Variants in KY observed in about 807,000 individuals in gnomAD.
The protein encoded by KY is kyphoscoliosis peptidase.
A neutral mutation model predicts 76.1 loss-of-function variants in KY; 43 were observed. That is an observed-to-expected ratio of 0.57 (90% CI 0.44 to 0.73). The LOEUF is 0.73. Among genes scored for constraint, KY ranks in the 30% least tolerant of loss-of-function variants. The pLI is 0.00. For synonymous variants in KY, 277 were observed against 326.2 expected (o/e 0.85, Z 1.63); for missense variants, 722 against 828.9 (o/e 0.87, Z 1.58).
chr3:134,629,135 A>G (rs1207818727), intron 4 of KY, among the ~76,000 whole-genome samples: 2 of 152,210 alleles, frequency 1.3e-5, no homozygotes, highest in Non-Finnish European at 2.9e-5. Flanking sequence ...TATGGTGGTT[A>G]AGACCACAGG....
At chr3:134,611,359 C>T (rs1960418197) in intron 8 of KY, among the ~76,000 whole-genome samples, 1 of 152,160 alleles carries the variant, frequency 6.6e-6, no homozygotes, top group African/African-American at 2.4e-5. Context: ...CAGTCCAAGG[C>T]CAAAGCAAGA....
rs1961437893 is a variant in KY at position 134,615,703 on chromosome 3, ACAC to A, written c.710+3442_710+3444del. ...AAGATGTCCCTTTCAGAGGCCTTAT[ACAC>A]CAGCATCAGATTTGGTGATAATTTA... On this transcript the variant is annotated intron_variant, in intron 8 of 10. Transcript: ENST00000423778. Among the ~76,000 whole-genome samples, 4 of 152,132 alleles carry A rather than the reference ACAC, an allele frequency of 2.6e-5. No homozygotes were observed. In the South Asian group the frequency reaches 8.3e-4, roughly 31 times the overall value.
intron 6 of KY, among the ~76,000 whole-genome samples, chr3:134,623,760 G>A (rs556216051): frequency 9.0e-4 from 137 of 152,238 alleles, no homozygotes; most frequent in African/African-American, 3.0e-3. Flanking sequence ...CCGACATGGC[G>A]TCTGTCCTGA....
intron 2 of KY, among the ~76,000 whole-genome samples, chr3:134,646,728 G>A (rs566040929): frequency 3.5e-4 from 54 of 152,264 alleles, no homozygotes; most frequent in African/African-American, 1.3e-3. Flanking sequence ...TGATCCTAGG[G>A]CTCACATAGC....
chr3:134,644,084 C>T (rs1383404518), intron 2 of KY, among the ~76,000 whole-genome samples: 2 of 152,178 alleles, frequency 1.3e-5, no homozygotes, highest in African/African-American at 4.8e-5. Flanking sequence ...CTCAGCCTCC[C>T]AAAGTGCTGG....
rs1208498262 is a variant in KY at position 134,610,339 on chromosome 3, C to T, written c.755G>A (p.Gly252Asp). The T allele has an allele frequency of 6.2e-7, 1 of 1,613,696 alleles. No individual in the cohort carries two copies. The highest frequency in any genetic ancestry group is 8.5e-7 in the Non-Finnish European group (1 of 1,179,822). ...GCTCTGCCCTGTCTGGTAGCCGAAA[C>T]CCTTGGAGTAGCCAGGCACGGTCAT... ...QCMTVPGYSKGFGYQTGQSFS... is the reference protein window; with the variant it reads ...QCMTVPGYSKDFGYQTGQSFS... The change falls in exon 9 of 11, where the codon GGT (glycine) becomes GAT (aspartate). Residue 252 changes from glycine (G) to aspartate (D), a missense_variant. Physicochemically the swap from Gly to Asp is moderately conservative, Grantham distance 94. Transcript: ENST00000423778.
rs1179890528 is a variant in KY at position 134,604,292 on chromosome 3, A to G, written c.1273T>C (p.Tyr425His). The G allele has an allele frequency of 6.2e-7, 1 of 1,613,872 alleles. No homozygotes were observed. The highest frequency in any genetic ancestry group is 1.3e-5 in the African/African-American group (1 of 74,926). The change falls in exon 11 of 11, where the codon TAC becomes CAC. Residue 425 changes from tyrosine to histidine, a missense_variant. This residue lies in a region of KY where 552 missense variants were observed against 680.9 expected (regional missense o/e 0.81). Coordinates refer to ENST00000423778, the MANE Select transcript of KY (RefSeq NM_178554.6). ...AGCGTGTACTCCAGCACTGAGCTGT[A>G]GATGTCGGAGTTGCCCTTGGCAAAG... Reference protein sequence around the residue: ...QIFAKGNSDIYSSVLEYTLKC... With the variant: ...QIFAKGNSDIHSSVLEYTLKC...
At chr3:134,607,808 C>T (rs1489613934) in intron 10 of KY, 4 of 988,270 alleles carry the variant, frequency 4.0e-6, no homozygotes, top group African/African-American at 1.7e-5. Flanking sequence ...TCCTATACTG[C>T]CCCAGGGGAG....
intron 3 of KY, among the ~76,000 whole-genome samples, chr3:134,634,673 G>T (rs902734482): frequency 2.0e-5 from 3 of 152,200 alleles, no homozygotes; most frequent in African/African-American, 4.8e-5. Flanking sequence ...GGTTTGAACT[G>T]CACGAGTCCA....
intron 10 of KY, among the ~76,000 whole-genome samples, chr3:134,605,227 C>T (rs1366902615): frequency 6.6e-6 from 1 of 152,102 alleles, no homozygotes; most frequent in African/African-American, 2.4e-5. Flanking sequence ...CCATGAGGAC[C>T]CACCTGCCTG....
rs982302038 is a variant in KY, at chr3:134,602,571, C to T, written c.*1008G>A. On this transcript the variant is annotated 3_prime_UTR_variant, in exon 11 of 11. Coordinates refer to ENST00000423778, the MANE Select transcript of KY (RefSeq NM_178554.6). ...AGCCCTGTTAAAGTGTGAGTCTCCT[C>T]GGCATTGCCGCACTGCACTACTCAC... Among the ~76,000 whole-genome samples, 4 of 152,290 alleles carry T rather than the reference C, an allele frequency of 2.6e-5. No homozygotes were observed. Among genetic ancestry groups the T allele is most frequent in the African/African-American group, 7.2e-5 (3 of 41,562 alleles).
intron 3 of KY, among the ~76,000 whole-genome samples, chr3:134,630,843 C>G (rs1414157740): frequency 6.6e-6 from 1 of 152,074 alleles, no homozygotes; most frequent in Non-Finnish European, 1.5e-5. Context: ...ATAACATGCC[C>G]TAACAAGTAA....
At chr3:134,632,467 A>G (rs1447684376) in intron 3 of KY, among the ~76,000 whole-genome samples, 6 of 152,070 alleles carry the variant, frequency 3.9e-5, no homozygotes, top group Admixed American at 6.5e-5. Context: ...CAACTGGAAA[A>G]TGTCCAAGTA....
At chr3:134,630,232 C>G (rs1295259367) in intron 3 of KY, among the ~76,000 whole-genome samples, 1 of 152,142 alleles carries the variant, frequency 6.6e-6, no homozygotes, top group Non-Finnish European at 1.5e-5. Flanking sequence ...TGTTGTTTTT[C>G]CCCCACTTTA....
intron 3 of KY, among the ~76,000 whole-genome samples, chr3:134,633,210 T>C (rs1964464848): frequency 1.3e-5 from 2 of 152,050 alleles, no homozygotes; most frequent in African/African-American, 4.8e-5. Context: ...CTTCATAGGA[T>C]CTTTCGTAAA....
intron 4 of KY, 198 bp downstream of exon 4, chr3:134,629,423 T>G: frequency 3.6e-6 from 2 of 558,620 alleles, no homozygotes; most frequent in Non-Finnish European, 6.4e-6. Flanking sequence ...GTTCCAGAGA[T>G]GCAAAATCAG....
chr3:134,650,974 TTCCGACCTG>T lies in KY; in HGVS notation c.-23_-15del. The T allele has an allele frequency of 3.7e-6, 6 of 1,612,702 alleles. No homozygotes were observed. Among genetic ancestry groups the T allele is most frequent in the Non-Finnish European group, 5.1e-6 (6 of 1,179,208 alleles). ...CTTCAGCTCCATGATGCCGCCTCCT[TTCCGACCTG>T]GGCGCCGCGGCCGCACGCTAGGCTG... On this transcript the variant is annotated 5_prime_UTR_variant, in exon 1 of 11. Transcript: ENST00000423778.
chr3:134,608,904 C>A, intron 9 of KY, 65 bp from the exon 10 acceptor site: 1 of 1,536,372 alleles, frequency 6.5e-7, no homozygotes, highest in Non-Finnish European at 8.8e-7. Context: ...CCAATACACC[C>A]ACCGGAGTGG....
intron 8 of KY, among the ~76,000 whole-genome samples, chr3:134,614,780 C>G (rs1560109306): frequency 6.6e-6 from 1 of 152,128 alleles, no homozygotes; most frequent in Non-Finnish European, 1.5e-5. Context: ...GTATGATGCT[C>G]CTACAGTCAG....
Sources: allele counts gnomAD v4.1 joint callset (sites outside exome capture counted in the v4.1 genomes callset), GRCh38; gene constraint gnomAD v4.1.1; regional missense constraint gnomAD v4.1.1; transcripts MANE v1.5; gene names NCBI Gene and HGNC (gene_info 2026-07-23, HGNC 2026-07-21).